NRG1: variants seen among roughly 807,000 people sequenced by gnomAD.
NRG1 encodes neuregulin 1.
In NRG1, 18 loss-of-function variants were observed where a neutral mutation model predicts 63.8. The ratio of observed to expected loss-of-function variants is 0.28; its 90% CI spans 0.19 to 0.42. The LOEUF is 0.42. Ranked by LOEUF, NRG1 falls within the 10% of genes least tolerant of loss-of-function variation. The pLI is 1.00. For missense variants in NRG1, 762 were observed against 814.7 expected (o/e 0.94, Z 0.79); for synonymous variants, 302 against 301.3 (o/e 1.00, Z -0.02).
chr8:32,227,615 G>A (rs753858126), intron 1 of NRG1, among the ~76,000 whole-genome samples: 1 of 152,110 alleles, frequency 6.6e-6, no homozygotes, highest in African/African-American at 2.4e-5. Context: ...CTTTTCCTGA[G>A]GCTTGAGAAG....
intron 1 of NRG1, among the ~76,000 whole-genome samples, chr8:32,279,381 TCTCA>T (rs1220999233): frequency 5.9e-5 from 9 of 152,180 alleles, no homozygotes; most frequent in African/African-American, 1.9e-4. Flanking sequence ...TGAGACGGAG[TCTCA>T]CTCTGTCGCC....
At chr8:32,430,280 T>C (rs1817959766) in intron 1 of NRG1, among the ~76,000 whole-genome samples, 1 of 152,202 alleles carries the variant, frequency 6.6e-6, no homozygotes, top group African/African-American at 2.4e-5. Flanking sequence ...ATAGAACTAT[T>C]TATGCTTACT....
intron 1 of NRG1, among the ~76,000 whole-genome samples, chr8:32,111,530 G>T (rs926471150): frequency 5.9e-5 from 9 of 152,180 alleles, no homozygotes; most frequent in African/African-American, 1.9e-4. Context: ...CATTTTGCTT[G>T]TCTAGCAGAC....
At chr8:31,845,624 G>A (rs949753104) in intron 1 of NRG1, among the ~76,000 whole-genome samples, 2 of 151,534 alleles carry the variant, frequency 1.3e-5, no homozygotes, top group African/African-American at 4.8e-5. Context: ...TTACATAAAA[G>A]TTGCTTTGTT....
intron 1 of NRG1, among the ~76,000 whole-genome samples, chr8:32,594,631 C>T (rs1362183480): frequency 6.6e-6 from 1 of 152,098 alleles, no homozygotes; most frequent in Non-Finnish European, 1.5e-5. Flanking sequence ...AAGCAAATCT[C>T]GGATATTGTA....
chr8:32,469,380 G>A (rs1374219151), intron 1 of NRG1, among the ~76,000 whole-genome samples: 1 of 152,178 alleles, frequency 6.6e-6, no homozygotes, highest in Non-Finnish European at 1.5e-5. Flanking sequence ...GGACCTCAGG[G>A]GAGAGTGACG....
At chr8:31,919,102 TA>T (rs1336994078) in intron 1 of NRG1, among the ~76,000 whole-genome samples, 1 of 152,102 alleles carries the variant, frequency 6.6e-6, no homozygotes, top group African/African-American at 2.4e-5. Context: ...TTTTTTTCTT[TA>T]TTAGTCTTGC....
At chr8:32,725,527 G>A (rs1821917496) in intron 5 of NRG1, among the ~76,000 whole-genome samples, 1 of 126,352 alleles carries the variant, frequency 7.9e-6, no homozygotes. Context: ...CCAGGCTTCA[G>A]TGCGGCAGTG....
intron 1 of NRG1, among the ~76,000 whole-genome samples, chr8:31,784,052 T>C (rs1819951579): frequency 6.6e-6 from 1 of 152,096 alleles, no homozygotes; most frequent in Non-Finnish European, 1.5e-5. Flanking sequence ...AATTGTTGAG[T>C]TGTAGAATTG....
intron 5 of NRG1, among the ~76,000 whole-genome samples, chr8:32,669,075 T>G (rs560328340): frequency 6.6e-6 from 1 of 152,350 alleles, no homozygotes; most frequent in East Asian, 1.9e-4. Context: ...AACTGAGTCC[T>G]TACTGGGAAT....
chr8:32,405,764 A>T (rs10111370), intron 1 of NRG1, among the ~76,000 whole-genome samples: 147,068 of 152,292 alleles, frequency 0.97, 71,204 homozygotes, highest in East Asian at 1. Flanking sequence ...GCCCTCTTGA[A>T]TATATTTGCT....
chr8:32,668,226 A>G (rs1804734258), intron 5 of NRG1, among the ~76,000 whole-genome samples: 1 of 147,320 alleles, frequency 6.8e-6, no homozygotes, highest in South Asian at 2.2e-4. Flanking sequence ...AAAAAAAAAA[A>G]GTGACATGCT....
At chr8:32,206,574 C>T (rs1844088225) in intron 1 of NRG1, among the ~76,000 whole-genome samples, 1 of 152,162 alleles carries the variant, frequency 6.6e-6, no homozygotes, top group African/African-American at 2.4e-5. Context: ...AGTCTTCTAT[C>T]TTGTTGACCT....
chr8:32,280,037 A>C (rs775803999), intron 1 of NRG1, among the ~76,000 whole-genome samples: 9 of 152,252 alleles, frequency 5.9e-5, no homozygotes, highest in Non-Finnish European at 1.2e-4. Context: ...ATCATCAGTC[A>C]TTACTTTCCA....
intron 1 of NRG1, among the ~76,000 whole-genome samples, chr8:32,051,903 G>A (rs536315855): frequency 2.0e-5 from 3 of 152,282 alleles, no homozygotes; most frequent in Admixed American, 2.0e-4. Context: ...TTTGCAGCGG[G>A]GAGGTGGATA....
intron 1 of NRG1, among the ~76,000 whole-genome samples, chr8:32,028,158 A>T (rs1817747282): frequency 6.6e-6 from 1 of 152,166 alleles, no homozygotes; most frequent in Non-Finnish European, 1.5e-5. Flanking sequence ...CCAAATCTTT[A>T]AGAACATGGC....
intron 1 of NRG1, among the ~76,000 whole-genome samples, chr8:31,790,234 A>T (rs1179793863): frequency 6.6e-6 from 1 of 152,214 alleles, no homozygotes; most frequent in East Asian, 1.9e-4. Context: ...ATTTTTTTAG[A>T]AAGGATATGG....
intron 1 of NRG1, among the ~76,000 whole-genome samples, chr8:31,737,860 A>C (rs1377675926): frequency 6.6e-6 from 1 of 152,090 alleles, no homozygotes; most frequent in African/African-American, 2.4e-5. Flanking sequence ...TTCCCCTTGA[A>C]ATCTGGCCAT....
At chr8:31,995,317 T>C (rs1380327349) in intron 1 of NRG1, among the ~76,000 whole-genome samples, 1 of 152,002 alleles carries the variant, frequency 6.6e-6, no homozygotes, top group Non-Finnish European at 1.5e-5. Flanking sequence ...ATAATATTAT[T>C]GTAAGGAATT....
Sources: gnomAD v4.1 joint callset for allele counts (sites outside exome capture counted in the v4.1 genomes callset) on GRCh38, gnomAD v4.1.1 for gene constraint, MANE v1.5 for transcripts, NCBI Gene and HGNC (gene_info 2026-07-23, HGNC 2026-07-21) for gene names.